The following RBBP5 variants were observed in gnomAD, a reference collection of about 807,000 sequenced individuals.
The protein encoded by RBBP5 is RB binding protein 5, histone lysine methyltransferase complex subunit.
In RBBP5, 5 loss-of-function variants were observed where a neutral mutation model predicts 72.2. That is an observed-to-expected ratio of 0.07 (90% CI 0.04 to 0.15). The LOEUF is 0.15. Ranked by LOEUF, RBBP5 falls within the 10% of genes least tolerant of loss-of-function variation. The pLI, the probability that RBBP5 is intolerant of heterozygous loss-of-function variation, is 1.00. For synonymous variants in RBBP5, 209 were observed against 237.2 expected, an observed-to-expected ratio of 0.88 and a Z score of 1.09; for missense variants, 322 against 652.2, an observed-to-expected ratio of 0.49 and a Z score of 5.51.
intron 3 of RBBP5, 106 bp from the exon 4 acceptor site, chr1:205,105,274 C>G (rs964688817): frequency 4.5e-6 from 6 of 1,338,212 alleles, no homozygotes; most frequent in Non-Finnish European, 6.1e-6. Flanking sequence ...CACAGGTCAA[C>G]AATGTTTTTG....
intron 3 of RBBP5, among the ~76,000 whole-genome samples, chr1:205,105,748 C>A (rs1656031055): frequency 6.6e-6 from 1 of 152,192 alleles, no homozygotes; most frequent in South Asian, 2.1e-4. Flanking sequence ...GCCTCATGTT[C>A]CCCGTTCTGG....
Position 205,093,515 on chromosome 1 carries a change from TATATATATATATATATATACAC to T in RBBP5, c.1588+1336_1588+1357del, listed in dbSNP as rs1301514076. Among the ~76,000 whole-genome samples, 42 of 13,646 alleles carry T rather than the reference TATATATATATATATATATACAC, an allele frequency of 3.1e-3. 1 individual carries two copies. The highest frequency in any genetic ancestry group is 0.019 in the African/African-American group (41 of 2,124). The allele number at this position is 13,646 out of a possible 152,430, so 9.0% of individuals were successfully genotyped here. On this transcript the variant is annotated intron_variant, in intron 13 of 13. Coordinates refer to ENST00000264515, the MANE Select transcript of RBBP5 (RefSeq NM_005057.4). ...ATATATATATATATATATATATATATATATATATATATATATATACACACACACACACACACACACACACACA... is the reference window on the plus strand; with the variant it reads ...ATATATATATATATATATATATATATACACACACACACACACACACACACA...
intron 3 of RBBP5, among the ~76,000 whole-genome samples, chr1:205,110,773 T>C (rs1359272691): frequency 6.6e-6 from 1 of 152,140 alleles, no homozygotes; most frequent in African/African-American, 2.4e-5. Context: ...TTTAAAAATA[T>C]TTTTAAATGG....
At position 205,088,743 on chromosome 1, in the gene RBBP5, C is replaced by T; in HGVS notation, c.*44G>A. On this transcript the variant is annotated 3_prime_UTR_variant, in exon 14 of 14. Coordinates refer to ENST00000264515, the MANE Select transcript of RBBP5 (RefSeq NM_005057.4). ...ATGACTGACCACAGTGTCCAGAGGC[C>T]ACATGATGGCAAAGTGAGAAAGAAT... 6.4e-7 allele frequency: 1 copy of T among 1,559,916 alleles called. No individual in the cohort carries two copies. Among genetic ancestry groups the T allele is most frequent in the South Asian group, 1.1e-5 (1 of 87,988 alleles).
chr1:205,105,258 C>T, intron 3 of RBBP5, 90 bp from the exon 4 acceptor site: 6 of 1,422,510 alleles, frequency 4.2e-6, no homozygotes, highest in Non-Finnish European at 5.8e-6. Flanking sequence ...CACATTGCTG[C>T]AACTGCACAG....
intron 6 of RBBP5, among the ~76,000 whole-genome samples, chr1:205,100,876 GGAT>G (rs1370169866): frequency 4.6e-5 from 7 of 152,298 alleles, no homozygotes; most frequent in Admixed American, 1.3e-4. Context: ...TATGGTTTCA[GGAT>G]GATACTGTTC....
In RBBP5 at chr1:205,112,663, GA is replaced by G. The variant is rs537401471; in HGVS notation, c.218+2125del. Among the ~76,000 whole-genome samples the G allele has an allele frequency of 9.8e-4, 148 of 151,182 alleles. 2 individuals carry two copies. Among genetic ancestry groups the G allele is most frequent in the Non-Finnish European group, 3.7e-4 (25 of 67,804 alleles). On this transcript the variant is annotated intron_variant, in intron 3 of 13. Coordinates refer to ENST00000264515, the MANE Select transcript of RBBP5 (RefSeq NM_005057.4). ...ATTCACTAAACACTATGTAGTTGAGGAAAAAAAACAGAAAATGGTTAAGTAA... is the reference window on the plus strand; with the variant it reads ...ATTCACTAAACACTATGTAGTTGAGGAAAAAAACAGAAAATGGTTAAGTAA...
intron 13 of RBBP5, among the ~76,000 whole-genome samples, chr1:205,094,610 A>AC (rs1399429112): frequency 6.6e-6 from 1 of 152,212 alleles, no homozygotes; most frequent in African/African-American, 2.4e-5. Context: ...TCCCCAGAAA[A>AC]ATATTCACAT....
chr1:205,121,627 T>G (rs1656739544), intron 1 of RBBP5, among the ~76,000 whole-genome samples: 1 of 152,204 alleles, frequency 6.6e-6, no homozygotes, highest in Non-Finnish European at 1.5e-5. Context: ...ACAAACTGTC[T>G]GTCCCCATCG....
At chr1:205,093,185 C>T (rs567260334) in intron 13 of RBBP5, among the ~76,000 whole-genome samples, 1 of 151,676 alleles carries the variant, frequency 6.6e-6, no homozygotes, top group African/African-American at 2.4e-5. Flanking sequence ...ACATGCCGGG[C>T]GTGATAGCTC....
chr1:205,096,991 T>C, intron 11 of RBBP5, 80 bp from the exon 12 acceptor site: 1 of 1,269,740 alleles, frequency 7.9e-7, no homozygotes, highest in Non-Finnish European at 1.1e-6. Flanking sequence ...CTCTATCACC[T>C]ATATTAAGCA....
At position 205,121,742 on chromosome 1, in the gene RBBP5, T is replaced by G. The variant is rs1162067628; in HGVS notation, c.19+113A>C. ...GCTGCTCCACATCAGGTGTGCCCAG[T>G]GATCCATAGCCGAACAGTGTCCCTA... On this transcript the variant is annotated intron_variant, in intron 1 of 13. Coordinates refer to ENST00000264515, the MANE Select transcript of RBBP5 (RefSeq NM_005057.4). 41 of 1,528,070 alleles carry G rather than the reference T, an allele frequency of 2.7e-5. No individual in the cohort carries two copies. In the Admixed American group the frequency reaches 5.9e-4, roughly 22 times the overall value. 94.7% of individuals were successfully genotyped at this position (1,528,070 alleles called of 1,614,324 possible). A position where few individuals can be genotyped will look rare whatever the true frequency, so the allele number is the denominator to read the frequency against.
intron 1 of RBBP5, among the ~76,000 whole-genome samples, chr1:205,119,454 TCA>T (rs1414909342): frequency 6.6e-6 from 1 of 152,208 alleles, no homozygotes; most frequent in Non-Finnish European, 1.5e-5. Context: ...ACCTTCTGTA[TCA>T]TTCAAGAAAA....
At chr1:205,119,174 C>T (rs181172353) in intron 1 of RBBP5, among the ~76,000 whole-genome samples, 1 of 152,238 alleles carries the variant, frequency 6.6e-6, no homozygotes, top group Non-Finnish European at 1.5e-5. Flanking sequence ...GGGCAGATCA[C>T]TTGAGGTCAG....
chr1:205,096,978 T>G (rs1452242032), intron 11 of RBBP5, 67 bp from the exon 12 acceptor site: 1 of 1,378,524 alleles, frequency 7.3e-7, no homozygotes, highest in Admixed American at 2.3e-5. Context: ...CCATGAGCCC[T>G]TCCTCTATCA....
Position 205,093,539 on chromosome 1 carries a change from C to T in RBBP5, c.1588+1334G>A, listed in dbSNP as rs865853485. On this transcript the variant is annotated intron_variant, in intron 13 of 13. Coordinates refer to ENST00000264515, the MANE Select transcript of RBBP5 (RefSeq NM_005057.4). ...ATATATATATATATATATATACACACACACACACACACACACACACACACA... is the reference window on the plus strand; with the variant it reads ...ATATATATATATATATATATACACATACACACACACACACACACACACACA... Among the ~76,000 whole-genome samples, 7 of 81,156 alleles carry T rather than the reference C, an allele frequency of 8.6e-5. 1 individual carries two copies. Among genetic ancestry groups the T allele is most frequent in the African/African-American group, 4.1e-4 (7 of 16,988 alleles). The allele number at this position is 81,156 out of a possible 152,430, so 53.2% of individuals were successfully genotyped here.
chr1:205,096,932 CAA>C lies in RBBP5; in HGVS notation c.1167-23_1167-22del, dbSNP rs773050137. 9.7e-6 allele frequency: 15 copies of C among 1,549,288 alleles called. No individual in the cohort carries two copies. The Middle Eastern group carries it at 1.6e-3, about 162-fold the overall frequency. ...CATCACTATTTGGAGCAGGATCAGA[CAA>C]GGGATTGGAAAAAAGAGGAGATAGT... On this transcript the variant is annotated intron_variant, in intron 11 of 13. Transcript: ENST00000264515.
intron 6 of RBBP5, 151 bp downstream of exon 6, chr1:205,101,449 T>C: frequency 1.9e-6 from 1 of 535,282 alleles, no homozygotes. Context: ...TGTTATGAAC[T>C]CGAAAACCAG....
chr1:205,094,448 T>C (rs995458564), intron 13 of RBBP5, among the ~76,000 whole-genome samples: 1 of 152,154 alleles, frequency 6.6e-6, no homozygotes, highest in South Asian at 2.1e-4. Flanking sequence ...TAAAACAAGC[T>C]TGTACTTCTG....
Sources: gnomAD v4.1 joint callset for allele counts (sites outside exome capture counted in the v4.1 genomes callset) on GRCh38, gnomAD v4.1.1 for gene constraint, MANE v1.5 for transcripts, NCBI Gene and HGNC (gene_info 2026-07-23, HGNC 2026-07-21) for gene names.